The following MDN1 variants were observed in gnomAD, a reference collection of about 807,000 sequenced individuals.
MDN1 encodes the protein midasin.
A neutral mutation model predicts 669.2 loss-of-function variants in MDN1; 266 were observed. The ratio of observed to expected loss-of-function variants is 0.40; its 90% CI spans 0.36 to 0.44. MDN1 has a LOEUF of 0.44. MDN1 is among the 20% of genes least tolerant of loss of function. The probability of loss-of-function intolerance (pLI) is 1.00; values close to 1 mark genes in which losing one functional copy is unlikely to be tolerated. For missense variants in MDN1, 5,940 were observed against 6,754.0 expected, an observed-to-expected ratio of 0.88 and a Z score of 4.22; for synonymous variants, 2,385 against 2,457.1, an observed-to-expected ratio of 0.97 and a Z score of 0.87.
chr6:89,710,561 C>T (rs529129053), intron 50 of MDN1, 120 bp downstream of exon 50: 39 of 485,020 alleles, frequency 8.0e-5, no homozygotes, highest in Non-Finnish European at 1.3e-4. Context: ...TTCTGCATAT[C>T]ATGAGTCTTC....
At chr6:89,776,750 A>C (rs1404222194) in intron 11 of MDN1, 55 bp from the exon 12 acceptor site, 18 of 1,228,178 alleles carry the variant, frequency 1.5e-5, no homozygotes, top group Non-Finnish European at 2.1e-5. Flanking sequence ...TATATTAATC[A>C]CAGAACATCA....
chr6:89,795,147 CG>C (rs1178009223), intron 2 of MDN1, among the ~76,000 whole-genome samples: 1 of 152,074 alleles, frequency 6.6e-6, no homozygotes, highest in Non-Finnish European at 1.5e-5. Context: ...CCTACAAAAT[CG>C]GGGGGTACTT....
intron 39 of MDN1, 51 bp downstream of exon 39, chr6:89,723,461 G>T (rs925882555): frequency 1.8e-6 from 2 of 1,120,132 alleles, no homozygotes. Context: ...AAAAAATACT[G>T]GTTCAAATAC....
In MDN1 at chr6:89,698,878, T is replaced by C. The variant is rs1269006619; in HGVS notation, c.9155A>G (p.Asp3052Gly). 1 of 1,613,860 alleles carries C rather than the reference T, an allele frequency of 6.2e-7. No homozygotes were observed. Reference protein sequence around the residue: ...QQREAPKSVLDSTLKGPGNLN... With the variant: ...QQREAPKSVLGSTLKGPGNLN... ...AGACCAACAAACCTTCAATGTGGAG[T>C]CCAAAACAGACTTGGGTGCCTCCCT... Residue 3052 changes from aspartate (D) to glycine (G), a missense_variant, in exon 59 of 102, where the codon GAC becomes GGC. Coordinates refer to ENST00000369393, the MANE Select transcript of MDN1 (RefSeq NM_014611.3).
intron 60 of MDN1, 58 bp from the exon 61 acceptor site, chr6:89,696,050 T>C: frequency 3.3e-6 from 5 of 1,531,024 alleles, no homozygotes; most frequent in Non-Finnish European, 4.4e-6. Context: ...AGCATTCCTT[T>C]TCATACAGTA....
intron 13 of MDN1, 99 bp downstream of exon 13, chr6:89,774,522 C>G: frequency 2.4e-6 from 2 of 840,248 alleles, no homozygotes; most frequent in Admixed American, 3.8e-5. Context: ...TATCACAGTT[C>G]AGACATGTGT....
At chr6:89,801,384 G>A (rs1767648772) in intron 2 of MDN1, among the ~76,000 whole-genome samples, 1 of 152,234 alleles carries the variant, frequency 6.6e-6, no homozygotes, top group East Asian at 1.9e-4. Context: ...CAGGCGCAGT[G>A]GCTTACACCT....
At chr6:89,782,344 C>T (rs1437961529) in intron 9 of MDN1, among the ~76,000 whole-genome samples, 1 of 152,118 alleles carries the variant, frequency 6.6e-6, no homozygotes, top group African/African-American at 2.4e-5. Context: ...ACCTGCAATC[C>T]CAGCACTTTG....
chr6:89,747,857 C>G (rs1319868791), intron 26 of MDN1, among the ~76,000 whole-genome samples: 3 of 132,306 alleles, frequency 2.3e-5, no homozygotes, highest in Non-Finnish European at 4.6e-5. Context: ...CGCCACTGCA[C>G]TCCAGCCTGG....
chr6:89,733,314 G>C (rs1425633006), intron 33 of MDN1, among the ~76,000 whole-genome samples: 1 of 151,350 alleles, frequency 6.6e-6, no homozygotes, highest in Non-Finnish European at 1.5e-5. Context: ...GAATCAAGTT[G>C]AATATTCTAA....
intron 69 of MDN1, 151 bp downstream of exon 69, chr6:89,686,751 G>C (rs1266379979): frequency 9.5e-7 from 1 of 1,047,136 alleles, no homozygotes; most frequent in South Asian, 1.6e-5. Flanking sequence ...TTTCTTGGCT[G>C]ACCTCTCAGA....
intron 15 of MDN1, among the ~76,000 whole-genome samples, chr6:89,768,735 C>T (rs1213993939): frequency 6.6e-6 from 1 of 151,320 alleles, no homozygotes; most frequent in Non-Finnish European, 1.5e-5. Flanking sequence ...AGACCCTGTC[C>T]CCCCCCAAAA....
chr6:89,779,448 C>T (rs2128324162), intron 11 of MDN1, among the ~76,000 whole-genome samples: 1 of 152,262 alleles, frequency 6.6e-6, no homozygotes, highest in South Asian at 2.1e-4. Flanking sequence ...GAGTCCACCA[C>T]CCTCATCAGA....
At chr6:89,767,705 A>C (rs1184178824) in intron 15 of MDN1, among the ~76,000 whole-genome samples, 1 of 152,112 alleles carries the variant, frequency 6.6e-6, no homozygotes, top group Non-Finnish European at 1.5e-5. Flanking sequence ...GTAGTGAGCC[A>C]AGATCATGCC....
chr6:89,709,216 CA>C (rs949963220), intron 50 of MDN1, among the ~76,000 whole-genome samples: 1 of 151,978 alleles, frequency 6.6e-6, no homozygotes, highest in African/African-American at 2.4e-5. Context: ...AGGCAAGACA[CA>C]AAAAAGGGTA....
Position 89,662,149 on chromosome 6 carries a change from C to G in MDN1, c.14503G>C (p.Glu4835Gln), listed in dbSNP as rs1809825416. 6.2e-7 allele frequency: 1 copy of G among 1,614,032 alleles called. No homozygotes were observed. Among genetic ancestry groups the G allele is most frequent in the Non-Finnish European group, 8.5e-7 (1 of 1,179,996 alleles). Residue 4835 changes from glutamate to glutamine, a missense_variant, in exon 87 of 102, where the codon GAA (glutamate) becomes CAA (glutamine). Glu to Gln is a conservative substitution (Grantham distance 29). Around this residue, in one of 5 missense-constraint regions of MDN1, gnomAD observed 2,280 missense variants for 2,576.3 expected, o/e 0.88. Coordinates refer to ENST00000369393, the MANE Select transcript of MDN1 (RefSeq NM_014611.3). Reference sequence around the variant, plus strand: ...CCACCATCATCAGCTTCTGCTTCTTCCTTTTCTTCCTTCTTATCTTGCTGG... The same window carrying G: ...CCACCATCATCAGCTTCTGCTTCTTGCTTTTCTTCCTTCTTATCTTGCTGG... ...KSQQDKKEEK[E>Q]EAEADDGGQG...
intron 2 of MDN1, among the ~76,000 whole-genome samples, chr6:89,796,617 G>T (rs548287452): frequency 6.6e-6 from 1 of 152,100 alleles, no homozygotes; most frequent in African/African-American, 2.4e-5. Flanking sequence ...CTACTCTGAC[G>T]GGAGATGCTG....
At chr6:89,796,999 C>T (rs912052608) in intron 2 of MDN1, among the ~76,000 whole-genome samples, 2 of 151,146 alleles carry the variant, frequency 1.3e-5, no homozygotes, top group Non-Finnish European at 2.9e-5. Context: ...ACCTGGGAGG[C>T]GAAGGTTGCA....
intron 33 of MDN1, among the ~76,000 whole-genome samples, chr6:89,735,780 G>C (rs1815932416): frequency 6.6e-6 from 1 of 152,148 alleles, no homozygotes; most frequent in Admixed American, 6.5e-5. Context: ...CCAGCACTTT[G>C]GGAGGCCAAG....
Sources: allele counts gnomAD v4.1 joint callset (sites outside exome capture counted in the v4.1 genomes callset), GRCh38; gene constraint gnomAD v4.1.1; regional missense constraint gnomAD v4.1.1; transcripts MANE v1.5; gene names NCBI Gene and HGNC (gene_info 2026-07-23, HGNC 2026-07-21).